TNIK: variants seen among roughly 807,000 people sequenced by gnomAD.
The protein encoded by TNIK is TRAF2 and NCK-interacting protein kinase.
TNIK carries 49 observed loss-of-function variants against 191.3 expected under a neutral mutation model. The observed-to-expected ratio is 0.26, with a 90% CI of 0.20 to 0.32. The LOEUF (loss-of-function observed/expected upper bound fraction) is 0.32, where lower values mean the gene tolerates loss of function less well. Among genes scored for constraint, TNIK ranks in the 10% least tolerant of loss-of-function variants. TNIK has a pLI of 1.00. For missense variants in TNIK, 1,155 were observed against 1,702.3 expected (o/e 0.68, Z 5.66); for synonymous variants, 594 against 600.9 (o/e 0.99, Z 0.17).
At chr3:171,393,006 T>G (rs903270585) in intron 1 of TNIK, among the ~76,000 whole-genome samples, 1 of 152,078 alleles carries the variant, frequency 6.6e-6, no homozygotes, top group East Asian at 1.9e-4. Flanking sequence ...CCCTTTACAA[T>G]GCAGGCATTT....
chr3:171,440,853 T>C (rs182369642), intron 1 of TNIK, among the ~76,000 whole-genome samples: 178 of 152,178 alleles, frequency 1.2e-3, no homozygotes, highest in African/African-American at 4.0e-3. Flanking sequence ...GCATGGAACA[T>C]TAAGAAAACA....
intron 2 of TNIK, among the ~76,000 whole-genome samples, chr3:171,260,084 CTGAT>C (rs1457972474): frequency 6.6e-6 from 1 of 152,126 alleles, no homozygotes; most frequent in African/African-American, 2.4e-5. Flanking sequence ...TCCCTGTTAT[CTGAT>C]TATGTTCCTC....
chr3:171,266,351 A>G (rs1222616164), intron 2 of TNIK, among the ~76,000 whole-genome samples: 1 of 152,240 alleles, frequency 6.6e-6, no homozygotes, highest in Non-Finnish European at 1.5e-5. Flanking sequence ...TTAAATAAAA[A>G]AAGCCTACAT....
chr3:171,328,847 G>C (rs1756102227), intron 2 of TNIK, among the ~76,000 whole-genome samples: 1 of 152,134 alleles, frequency 6.6e-6, no homozygotes, highest in Admixed American at 6.5e-5. Flanking sequence ...GCATTCAAAT[G>C]ACAGAGCTGG....
chr3:171,143,124 G>A (rs1277194009), intron 12 of TNIK, among the ~76,000 whole-genome samples: 2 of 152,138 alleles, frequency 1.3e-5, no homozygotes, highest in Admixed American at 6.5e-5. Context: ...GATCTCACTC[G>A]GATCAGCAGC....
chr3:171,275,890 C>A (rs1452468917), intron 2 of TNIK, among the ~76,000 whole-genome samples: 4 of 149,430 alleles, frequency 2.7e-5, no homozygotes, highest in Non-Finnish European at 4.4e-5. Flanking sequence ...GAGCGCGACT[C>A]CGTCTCAAAA....
At chr3:171,249,937 A>G (rs1186972298) in intron 2 of TNIK, among the ~76,000 whole-genome samples, 1 of 152,100 alleles carries the variant, frequency 6.6e-6, no homozygotes, top group South Asian at 2.1e-4. Context: ...GTTTTACATG[A>G]TTACTATTTA....
At chr3:171,110,110 TAGTC>T (rs1399373772) in intron 19 of TNIK, among the ~76,000 whole-genome samples, 2 of 152,196 alleles carry the variant, frequency 1.3e-5, no homozygotes, top group Non-Finnish European at 2.9e-5. Flanking sequence ...TTCTCCATGT[TAGTC>T]AGGCTGATCT....
At chr3:171,392,837 T>A (rs915530822) in intron 1 of TNIK, among the ~76,000 whole-genome samples, 1 of 150,552 alleles carries the variant, frequency 6.6e-6, no homozygotes, top group African/African-American at 2.4e-5. Context: ...CTGTATTCAG[T>A]GTATTCAATG....
chr3:171,315,662 T>C (rs958915031), intron 2 of TNIK, among the ~76,000 whole-genome samples: 7 of 152,138 alleles, frequency 4.6e-5, no homozygotes, highest in Non-Finnish European at 8.8e-5. Context: ...AAGAAACAGT[T>C]CCATGCCTCC....
rs764272697 is a variant in TNIK at position 171,159,024 on chromosome 3, C to T, written c.1017-1360G>A. Among the ~76,000 whole-genome samples, 15 of 152,074 alleles carry T rather than the reference C, an allele frequency of 9.9e-5. No individual in the cohort carries two copies. Among genetic ancestry groups the T allele is most frequent in the African/African-American group, 2.7e-4 (11 of 41,398 alleles). Reference sequence around the variant, plus strand: ...TGAGAGGAGGTCAGAGAGATAGGTGCGGGGCCGCGACAGCCATGCAGGCAC... The same window carrying T: ...TGAGAGGAGGTCAGAGAGATAGGTGTGGGGCCGCGACAGCCATGCAGGCAC... On this transcript the variant is annotated intron_variant, in intron 11 of 32. Coordinates refer to ENST00000436636, the MANE Select transcript of TNIK (RefSeq NM_015028.4). This position sits in a 1 kb window ranked among gnomAD's most constrained non-coding sequence, Gnocchi z 4.1.
chr3:171,397,765 A>C (rs1446300199), intron 1 of TNIK, among the ~76,000 whole-genome samples: 2 of 152,246 alleles, frequency 1.3e-5, no homozygotes, highest in African/African-American at 4.8e-5. Context: ...ACATTCAGGC[A>C]ATCCAAATAC....
chr3:171,233,823 G>T (rs1275269657), intron 2 of TNIK, among the ~76,000 whole-genome samples: 4 of 152,142 alleles, frequency 2.6e-5, no homozygotes, highest in Admixed American at 2.0e-4. Flanking sequence ...TTGGGTTCTT[G>T]GTACCATCCA....
chr3:171,305,047 A>AG (rs1017675929), intron 2 of TNIK, among the ~76,000 whole-genome samples: 16 of 112,152 alleles, frequency 1.4e-4, no homozygotes, highest in Admixed American at 4.3e-4. Flanking sequence ...TCTCTGCCAC[A>AG]GGGAAAAAAA....
intron 28 of TNIK, among the ~76,000 whole-genome samples, chr3:171,076,188 C>T (rs960664602): frequency 4.3e-4 from 66 of 151,990 alleles, no homozygotes; most frequent in African/African-American, 1.5e-3. Context: ...GGCACCAAAC[C>T]TTCAGGTTCA....
intron 2 of TNIK, among the ~76,000 whole-genome samples, chr3:171,280,143 G>T (rs950490248): frequency 1.3e-5 from 2 of 152,106 alleles, no homozygotes; most frequent in Non-Finnish European, 2.9e-5. Context: ...GAATGGATGG[G>T]CACCACACCC....
chr3:171,395,760 C>G (rs975559228), intron 1 of TNIK, among the ~76,000 whole-genome samples: 1 of 152,014 alleles, frequency 6.6e-6, no homozygotes, highest in Non-Finnish European at 1.5e-5. Context: ...ATAAATTGAA[C>G]GGAGTGAACA....
intron 1 of TNIK, among the ~76,000 whole-genome samples, chr3:171,380,883 G>C (rs1717937952): frequency 6.6e-6 from 1 of 152,216 alleles, no homozygotes; most frequent in African/African-American, 2.4e-5. Context: ...CCAGAGCCAT[G>C]TAGGAACAGC....
At chr3:171,253,563 AAAAAG>A (rs940030158) in intron 2 of TNIK, among the ~76,000 whole-genome samples, 1 of 151,944 alleles carries the variant, frequency 6.6e-6, no homozygotes, top group Non-Finnish European at 1.5e-5. Context: ...GCCTGAAAAA[AAAAAG>A]AAAAGAAATC....
Sources: allele counts gnomAD v4.1 joint callset (sites outside exome capture counted in the v4.1 genomes callset), GRCh38; gene constraint gnomAD v4.1.1; non-coding constraint Gnocchi (gnomAD v3.1); transcripts MANE v1.5; gene names NCBI Gene and HGNC (gene_info 2026-07-23, HGNC 2026-07-21).